ASB18: variants seen among roughly 807,000 people sequenced by gnomAD.
ASB18 encodes the protein ankyrin repeat and SOCS box protein 18.
In ASB18, 33 loss-of-function variants were observed where a neutral mutation model predicts 33.4. That is an observed-to-expected ratio of 0.99 (90% CI 0.75 to 1.32). ASB18 has a LOEUF of 1.32. Ranked by LOEUF, ASB18 falls within the 40% of genes most tolerant of loss-of-function variation. The pLI is 0.00. For synonymous variants in ASB18, 295 were observed against 307.6 expected (o/e 0.96, Z 0.43); for missense variants, 694 against 655.5 (o/e 1.06, Z -0.64).
At chr2:236,240,284 T>A (rs534665043) in intron 2 of ASB18, among the ~76,000 whole-genome samples, 1 of 152,318 alleles carries the variant, frequency 6.6e-6, no homozygotes, top group South Asian at 2.1e-4. Context: ...CCCCACCGCC[T>A]CACTGGTTGG....
Position 236,234,027 on chromosome 2 carries a change from T to C in ASB18, c.596+3662A>G, listed in dbSNP as rs1052137455. On this transcript the variant is annotated intron_variant, in intron 3 of 5. Coordinates refer to ENST00000409749, the MANE Select transcript of ASB18 (RefSeq NM_212556.4). The surrounding 1 kb of genome is among the most constrained non-coding windows in gnomAD (Gnocchi z 4.1). ...TAAAGTTACAATATTCAAGACAGTATGGTATTGGTGTTAAAACAGGCAAAT... is the reference window on the plus strand; with the variant it reads ...TAAAGTTACAATATTCAAGACAGTACGGTATTGGTGTTAAAACAGGCAAAT... Among the ~76,000 whole-genome samples, 4 of 152,224 alleles carry C rather than the reference T, an allele frequency of 2.6e-5. No homozygotes were observed. Among genetic ancestry groups the C allele is most frequent in the African/African-American group, 9.6e-5 (4 of 41,456 alleles).
At position 236,241,558 on chromosome 2, in the gene ASB18, G is replaced by A. The variant is rs749540896; in HGVS notation, c.206-156C>T. 13 of 828,776 alleles carry A rather than the reference G, an allele frequency of 1.6e-5. No homozygotes were observed. Among genetic ancestry groups the A allele is most frequent in the South Asian group, 2.9e-5 (2 of 69,742 alleles). The allele number at this position is 828,776 out of a possible 1,614,324, so 51.3% of individuals were successfully genotyped here. ...GATTTCAGAAGAGTTCTTCAGGAAC[G>A]GGAAAGATGGTCTTATGGAGTGTGA... On this transcript the variant is annotated intron_variant, in intron 1 of 5. Coordinates refer to ENST00000409749, the MANE Select transcript of ASB18 (RefSeq NM_212556.4). The surrounding 1 kb of genome is among the most constrained non-coding windows in gnomAD (Gnocchi z 4.2).
rs546731509 is a variant in ASB18, at chr2:236,244,323, GGCCCAGGAGGGCTAAGCAGACCCTC to G, written c.206-2946_206-2922del. Among the ~76,000 whole-genome samples, 727 of 152,288 alleles carry G rather than the reference GGCCCAGGAGGGCTAAGCAGACCCTC, an allele frequency of 4.8e-3. 8 individuals carry two copies. Among genetic ancestry groups the G allele is most frequent in the African/African-American group, 0.017 (705 of 41,558 alleles). Reference sequence around the variant, plus strand: ...GCAGAGAGAAGAGCAGTGCAGTATGGGCCCAGGAGGGCTAAGCAGACCCTCGCCCAGGGAGGCGGGCATAGCATAA... The same window carrying G: ...GCAGAGAGAAGAGCAGTGCAGTATGGGCCCAGGGAGGCGGGCATAGCATAA... On this transcript the variant is annotated intron_variant, in intron 1 of 5. Coordinates refer to ENST00000409749, the MANE Select transcript of ASB18 (RefSeq NM_212556.4). The surrounding 1 kb of genome is among the most constrained non-coding windows in gnomAD (Gnocchi z 6.1).
chr2:236,197,362 C>T (rs2060379079), intron 4 of ASB18, among the ~76,000 whole-genome samples: 1 of 152,152 alleles, frequency 6.6e-6, no homozygotes, highest in Non-Finnish European at 1.5e-5. Context: ...AGACTGGTTG[C>T]TGTGATGTAT....
rs1467727683 is a variant in ASB18 at position 236,253,474 on chromosome 2, G to A, written c.205+10667C>T. Among the ~76,000 whole-genome samples the A allele has an allele frequency of 2.6e-5, 4 of 152,160 alleles. No individual in the cohort carries two copies. The highest frequency in any genetic ancestry group is 6.5e-5 in the Admixed American group (1 of 15,296). ...CTCACTGTAACCTGAACTCCTGGGC[G>A]CAAGCGATCCTTCCACCTCAGTCTC... On this transcript the variant is annotated intron_variant, in intron 1 of 5. Coordinates refer to ENST00000409749, the MANE Select transcript of ASB18 (RefSeq NM_212556.4). This position sits in a 1 kb window ranked among gnomAD's most constrained non-coding sequence, Gnocchi z 5.4.
At position 236,237,429 on chromosome 2, in the gene ASB18, C is replaced by T. The variant is rs1444793474; in HGVS notation, c.596+260G>A. 1.5e-5 allele frequency among the ~76,000 whole-genome samples: 1 copy of T among 66,362 alleles called. No individual in the cohort carries two copies. The highest frequency in any genetic ancestry group is 7.8e-5 in the African/African-American group (1 of 12,786). 43.5% of individuals were successfully genotyped at this position (66,362 alleles called of 152,430 possible). On this transcript the variant is annotated intron_variant, in intron 3 of 5. Coordinates refer to ENST00000409749, the MANE Select transcript of ASB18 (RefSeq NM_212556.4). The surrounding 1 kb of genome is among the most constrained non-coding windows in gnomAD (Gnocchi z 6.2). ...CGCGGGGCGGGGGCCGGGGCCGGGG[C>T]GCGGGGCGAGGGCCGGGAGGTGCCA...
rs145633936 is a variant in ASB18, at chr2:236,229,166, C to T, written c.596+8523G>A. 8.3e-3 allele frequency among the ~76,000 whole-genome samples: 1,268 copies of T among 152,230 alleles called. 13 individuals are homozygous for T. The highest frequency in any genetic ancestry group is 9.1e-3 in the Non-Finnish European group (620 of 68,024). ...AAACACTTGTTATAACTATATTCCACCTGTTTGAGAAGCTAGAGGAAAGAC... is the reference window on the plus strand; with the variant it reads ...AAACACTTGTTATAACTATATTCCATCTGTTTGAGAAGCTAGAGGAAAGAC... On this transcript the variant is annotated intron_variant, in intron 3 of 5. Transcript: ENST00000409749. The surrounding 1 kb of genome is among the most constrained non-coding windows in gnomAD (Gnocchi z 5.2).
chr2:236,197,174 T>C (rs2060378381), intron 4 of ASB18, among the ~76,000 whole-genome samples: 1 of 152,202 alleles, frequency 6.6e-6, no homozygotes, highest in African/African-American at 2.4e-5. Context: ...AGTGCATCTT[T>C]TATATGACCC....
chr2:236,210,183 A>T (rs1195047397), intron 4 of ASB18, among the ~76,000 whole-genome samples: 1 of 152,200 alleles, frequency 6.6e-6, no homozygotes, highest in Non-Finnish European at 1.5e-5. Flanking sequence ...CTGTGACTCC[A>T]GTACCAAGCA....
At position 236,215,552 on chromosome 2, in the gene ASB18, G is replaced by A. The variant is rs564472476; in HGVS notation, c.597-686C>T. On this transcript the variant is annotated intron_variant, in intron 3 of 5. Transcript: ENST00000409749. The surrounding 1 kb of genome is among the most constrained non-coding windows in gnomAD (Gnocchi z 7.2). ...TTCTAGACCCCCATGGGAGCCTGCG[G>A]TCTTCCCCAGAGACGAGTGTCTTCC... 1.3e-5 allele frequency among the ~76,000 whole-genome samples: 2 copies of A among 152,228 alleles called. No individual in the cohort carries two copies. The highest frequency in any genetic ancestry group is 4.2e-4 in the South Asian group (2 of 4,818).
Position 236,255,226 on chromosome 2 carries a change from C to T in ASB18, c.205+8915G>A, listed in dbSNP as rs770619306. The stretch of plus-strand genomic sequence containing the variant: ...TAGCGCGATCTTGGCTCACTGCAAC[C>T]TCCTCCTCCCAGGTTCAAGCGATTC... On this transcript the variant is annotated intron_variant, in intron 1 of 5. Transcript: ENST00000409749. This position sits in a 1 kb window ranked among gnomAD's most constrained non-coding sequence, Gnocchi z 4.4. Among the ~76,000 whole-genome samples the T allele has an allele frequency of 2.6e-5, 4 of 152,136 alleles. No individual in the cohort carries two copies. The highest frequency in any genetic ancestry group is 2.9e-5 in the Non-Finnish European group (2 of 68,036).
At chr2:236,230,203 A>C (rs2060558016) in intron 3 of ASB18, among the ~76,000 whole-genome samples, 1 of 151,918 alleles carries the variant, frequency 6.6e-6, no homozygotes, top group Non-Finnish European at 1.5e-5. Flanking sequence ...GTGCAGAAAA[A>C]ATAAGAAGAA....
rs1215465442 is a variant in ASB18 at position 236,214,538 on chromosome 2, C to CCAGGCTGTGGCTCGCGTGGCCG, written c.903_924dup (p.Ala309ArgfsTer100). 2.1e-6 allele frequency: 3 copies of CCAGGCTGTGGCTCGCGTGGCCG among 1,422,612 alleles called. No individual in the cohort carries two copies. In the East Asian group the frequency reaches 8.8e-5, roughly 42 times the overall value. 88.1% of individuals were successfully genotyped at this position (1,422,612 alleles called of 1,614,324 possible). A position where few individuals can be genotyped will look rare whatever the true frequency, so the allele number is the denominator to read the frequency against. ...GCGCCGTGCCGCAGTAGGAGGCGCGCCAGGCTGTGGCTCGCGTGGCCGCAG... is the reference window on the plus strand; with the variant it reads ...GCGCCGTGCCGCAGTAGGAGGCGCGCCAGGCTGTGGCTCGCGTGGCCGCAGGCTGTGGCTCGCGTGGCCGCAG... On this transcript the variant is annotated frameshift_variant, in exon 4 of 6. Transcript: ENST00000409749. LOFTEE classifies it high-confidence loss of function. The surrounding 1 kb of genome is among the most constrained non-coding windows in gnomAD (Gnocchi z 6.5).
rs575771886 is a variant in ASB18 at position 236,262,472 on chromosome 2, G to A, written c.205+1669C>T. 5.9e-5 allele frequency among the ~76,000 whole-genome samples: 9 copies of A among 152,342 alleles called. No individual in the cohort carries two copies. The East Asian group carries it at 1.5e-3, about 26-fold the overall frequency. On this transcript the variant is annotated intron_variant, in intron 1 of 5. Transcript: ENST00000409749. The surrounding 1 kb of genome is among the most constrained non-coding windows in gnomAD (Gnocchi z 5.2). ...GAAGGAGGCTGCTAAACCCAGCAGCGATCTGGCAGGGAGGGCCGGGGAAGC... is the reference window on the plus strand; with the variant it reads ...GAAGGAGGCTGCTAAACCCAGCAGCAATCTGGCAGGGAGGGCCGGGGAAGC...
chr2:236,245,159 G>A lies in ASB18; in HGVS notation c.206-3757C>T, dbSNP rs2060639067. Among the ~76,000 whole-genome samples the A allele has an allele frequency of 6.6e-6, 1 of 152,186 alleles. No homozygotes were observed. Among genetic ancestry groups the A allele is most frequent in the South Asian group, 2.1e-4 (1 of 4,830 alleles). ...GGGCCGTAGGTTTATTTTTTACCAT[G>A]TTTATCTGACCTCTGGGCAAAGGCT... On this transcript the variant is annotated intron_variant, in intron 1 of 5. Transcript: ENST00000409749. This position sits in a 1 kb window ranked among gnomAD's most constrained non-coding sequence, Gnocchi z 4.7.
In ASB18 at chr2:236,219,316, C is replaced by G. The variant is rs2060500925; in HGVS notation, c.597-4450G>C. Among the ~76,000 whole-genome samples the G allele has an allele frequency of 6.6e-6, 1 of 152,176 alleles. No homozygotes were observed. Among genetic ancestry groups the G allele is most frequent in the Admixed American group, 6.5e-5 (1 of 15,280 alleles). Reference sequence around the variant, plus strand: ...GTGCAGTTTGATACAAGAACCACAACAGAGGTTATTAATAACAAAACCATC... The same window carrying G: ...GTGCAGTTTGATACAAGAACCACAAGAGAGGTTATTAATAACAAAACCATC... On this transcript the variant is annotated intron_variant, in intron 3 of 5. Coordinates refer to ENST00000409749, the MANE Select transcript of ASB18 (RefSeq NM_212556.4). The surrounding 1 kb of genome is among the most constrained non-coding windows in gnomAD (Gnocchi z 6.4).
intron 1 of ASB18, among the ~76,000 whole-genome samples, chr2:236,243,117 T>G (rs1419007966): frequency 1.4e-5 from 2 of 146,138 alleles, no homozygotes; most frequent in African/African-American, 5.1e-5. Flanking sequence ...GATCACGAGG[T>G]CAGGAGATCG....
In ASB18 at chr2:236,238,315, T is replaced by C. The variant is rs1470969011; in HGVS notation, c.329-359A>G. ...AAGCAGGGTGCACGGTAGGCGAATT[T>C]AAGTGAGGAATTCACGTGTTCCAGG... On this transcript the variant is annotated intron_variant, in intron 2 of 5. Transcript: ENST00000409749. The surrounding 1 kb of genome is among the most constrained non-coding windows in gnomAD (Gnocchi z 5.2). Among the ~76,000 whole-genome samples, 1 of 152,080 alleles carries C rather than the reference T, an allele frequency of 6.6e-6. No homozygotes were observed. The highest frequency in any genetic ancestry group is 2.4e-5 in the African/African-American group (1 of 41,388).
Position 236,237,894 on chromosome 2 carries a change from C to T in ASB18, c.391G>A (p.Gly131Ser). Residue 131 changes from glycine to serine, a missense_variant, in exon 3 of 6, where the codon GGC becomes AGC. Physicochemically the swap from Gly to Ser is moderately conservative, Grantham distance 56 (BLOSUM62 0). Transcript: ENST00000409749. The surrounding 1 kb of genome is among the most constrained non-coding windows in gnomAD (Gnocchi z 6.2). Reference sequence around the variant, plus strand: ...AGGTGTCGCACGCAGGCGGTGTGGCCGTGGGCCGCGGCGATGCACAGGGGC... The same window carrying T: ...AGGTGTCGCACGCAGGCGGTGTGGCTGTGGGCCGCGGCGATGCACAGGGGC... ...TTPLCIAAAH[G>S]HTACVRHLLG... 6.7e-7 allele frequency: 1 copy of T among 1,499,584 alleles called. No homozygotes were observed. The highest frequency in any genetic ancestry group is 8.8e-7 in the Non-Finnish European group (1 of 1,131,498). The allele number at this position is 1,499,584 out of a possible 1,614,324, so 92.9% of individuals were successfully genotyped here.
Sources: allele counts gnomAD v4.1 joint callset (sites outside exome capture counted in the v4.1 genomes callset), GRCh38; gene constraint gnomAD v4.1.1; non-coding constraint Gnocchi (gnomAD v3.1); transcripts MANE v1.5; gene names NCBI Gene and HGNC (gene_info 2026-07-23, HGNC 2026-07-21).